PTPRN2: variants seen among roughly 807,000 people sequenced by gnomAD.
PTPRN2 encodes receptor-type tyrosine-protein phosphatase N2.
A neutral mutation model predicts 118.8 loss-of-function variants in PTPRN2; 74 were observed. That is an observed-to-expected ratio of 0.62 (90% confidence interval 0.52 to 0.76). PTPRN2 has a LOEUF of 0.76. PTPRN2 is among the 30% of genes least tolerant of loss of function. The pLI is 0.00. For synonymous variants in PTPRN2, 641 were observed against 608.0 expected (o/e 1.05, Z -0.80); for missense variants, 1,481 against 1,394.4 (o/e 1.06, Z -0.99).
chr7:157,996,230 A>AT (rs1230912319), intron 11 of PTPRN2, among the ~76,000 whole-genome samples: 1 of 152,222 alleles, frequency 6.6e-6, no homozygotes, highest in Non-Finnish European at 1.5e-5. Context: ...GCCAAATTAC[A>AT]TGCGTGCATG....
intron 11 of PTPRN2, among the ~76,000 whole-genome samples, chr7:157,960,981 T>G (rs1801489453): frequency 6.6e-6 from 1 of 152,224 alleles, no homozygotes; most frequent in Admixed American, 6.5e-5. Context: ...CACTCCAGCC[T>G]GGGTGACAGA....
chr7:158,027,656 T>C (rs1182785673), intron 11 of PTPRN2: 2 of 152,292 alleles, frequency 1.3e-5, no homozygotes. Flanking sequence ...TCAATGCTTC[T>C]GGAACCCACA....
chr7:158,172,394 C>T (rs1823778781), intron 5 of PTPRN2, among the ~76,000 whole-genome samples: 1 of 152,126 alleles, frequency 6.6e-6, no homozygotes, highest in Non-Finnish European at 1.5e-5. Flanking sequence ...ATCATTATCA[C>T]CATTAGTGTC....
chr7:157,830,536 C>T (rs949406531), intron 12 of PTPRN2, among the ~76,000 whole-genome samples: 7 of 150,906 alleles, frequency 4.6e-5, no homozygotes, highest in Non-Finnish European at 8.9e-5. Context: ...CTGCTGTGGC[C>T]GGAGGCACAC....
rs185717897 is a variant in PTPRN2, at chr7:158,003,664, G to A, written c.1723+77634C>T. Among the ~76,000 whole-genome samples, 526 of 152,144 alleles carry A rather than the reference G, an allele frequency of 3.5e-3. No individual in the cohort carries two copies. Among genetic ancestry groups the A allele is most frequent in the African/African-American group, 0.011 (475 of 41,514 alleles). On this transcript the variant is annotated intron_variant, in intron 11 of 22. Transcript: ENST00000389418. The surrounding 1 kb of genome is among the most constrained non-coding windows in gnomAD (Gnocchi z 5.0). ...TCTGCCCCACCTGTGGGGCTTCACCGTGGCCACCCGAGCTGACTGACAGGG... is the reference window on the plus strand; with the variant it reads ...TCTGCCCCACCTGTGGGGCTTCACCATGGCCACCCGAGCTGACTGACAGGG...
intron 17 of PTPRN2, among the ~76,000 whole-genome samples, chr7:157,582,550 T>C (rs1800451932): frequency 6.6e-6 from 1 of 151,710 alleles, no homozygotes; most frequent in Non-Finnish European, 1.5e-5. Flanking sequence ...CACTATACGG[T>C]AGCAATGTGA....
chr7:157,756,130 C>A (rs979765528), intron 12 of PTPRN2, among the ~76,000 whole-genome samples: 23 of 152,252 alleles, frequency 1.5e-4, no homozygotes, highest in Admixed American at 3.9e-4. Context: ...AAAGACCAGA[C>A]TTCTTTACAA....
Position 157,540,714 on chromosome 7 carries a change from TC to T in PTPRN2, c.3047del (p.Ter1016=), listed in dbSNP as rs1297712893. 1 of 1,558,598 alleles carries T rather than the reference TC, an allele frequency of 6.4e-7. No individual in the cohort carries two copies. Among genetic ancestry groups the T allele is most frequent in the Admixed American group, 1.9e-5 (1 of 52,378 alleles). On this transcript the variant is annotated frameshift_variant and stop_lost, in exon 23 of 23. Coordinates refer to ENST00000389418, the MANE Select transcript of PTPRN2 (RefSeq NM_002847.5). LOFTEE classifies it high-confidence loss of function. ...VNAILKALPQ[*>X] ...CCCCTGAGGCCCCTGAGGCTGCCGC[TC>T]ACTGGGGAAGGGCCTTGAGGATGGC...
intron 3 of PTPRN2, among the ~76,000 whole-genome samples, chr7:158,245,072 G>A (rs781253628): frequency 2.4e-4 from 37 of 152,188 alleles, no homozygotes; most frequent in Non-Finnish European, 4.1e-4. Context: ...GAGATGAGGC[G>A]TCCAGCCCTG....
chr7:158,018,370 C>T (rs1166503130), intron 11 of PTPRN2, among the ~76,000 whole-genome samples: 1 of 148,720 alleles, frequency 6.7e-6, no homozygotes, highest in African/African-American at 2.4e-5. Context: ...ACAGGCGTAG[C>T]GTGCATGCTC....
chr7:158,365,656 C>G (rs189250980), intron 2 of PTPRN2, among the ~76,000 whole-genome samples: 1 of 142,772 alleles, frequency 7.0e-6, no homozygotes, highest in East Asian at 2.0e-4. Context: ...CCAATGCACA[C>G]GCACACACAC....
rs1177105063 is a variant in PTPRN2 at position 157,603,918 on chromosome 7, C to T, written c.2418+84G>A. On this transcript the variant is annotated intron_variant, in intron 16 of 22. Coordinates refer to ENST00000389418, the MANE Select transcript of PTPRN2 (RefSeq NM_002847.5). The surrounding 1 kb of genome is among the most constrained non-coding windows in gnomAD (Gnocchi z 5.4). ...GCTGAGCTGGGTGGGGACGTGATTTCCCCCGAGAACCTTCCCACGTGATTT... is the reference window on the plus strand; with the variant it reads ...GCTGAGCTGGGTGGGGACGTGATTTTCCCCGAGAACCTTCCCACGTGATTT... 3 of 1,334,462 alleles carry T rather than the reference C, an allele frequency of 2.2e-6. No homozygotes were observed. The highest frequency in any genetic ancestry group is 1.8e-5 in the Admixed American group (1 of 55,902). 82.7% of individuals were successfully genotyped at this position (1,334,462 alleles called of 1,614,324 possible).
At chr7:157,852,742 G>A (rs998164440) in intron 12 of PTPRN2, among the ~76,000 whole-genome samples, 79 of 151,718 alleles carry the variant, frequency 5.2e-4, no homozygotes, top group Middle Eastern at 6.8e-3. Context: ...GGTGGTGGGC[G>A]CCTGTAATCC....
At chr7:157,981,972 A>C (rs535814208) in intron 11 of PTPRN2, among the ~76,000 whole-genome samples, 2 of 151,526 alleles carry the variant, frequency 1.3e-5, no homozygotes, top group African/African-American at 2.4e-5. Context: ...TGCAGAGTGC[A>C]GGGTACCGCC....
At chr7:158,220,887 A>AG in intron 3 of PTPRN2, among the ~76,000 whole-genome samples, 1 of 152,082 alleles carries the variant, frequency 6.6e-6, no homozygotes, top group Admixed American at 6.5e-5. Context: ...GATCCAAAAA[A>AG]AAAAAAAGGC....
chr7:157,623,880 T>C (rs546247151), intron 14 of PTPRN2, among the ~76,000 whole-genome samples: 1 of 152,342 alleles, frequency 6.6e-6, no homozygotes, highest in South Asian at 2.1e-4. Context: ...TCTATCAATA[T>C]TTTTTATGAA....
intron 12 of PTPRN2, among the ~76,000 whole-genome samples, chr7:157,885,513 C>G (rs1410030041): frequency 6.6e-6 from 1 of 152,210 alleles, no homozygotes; most frequent in Non-Finnish European, 1.5e-5. Context: ...TGGAAACAAG[C>G]CAAGTTCCTC....
chr7:158,553,474 A>C (rs1250420660), intron 1 of PTPRN2, among the ~76,000 whole-genome samples: 1 of 151,746 alleles, frequency 6.6e-6, no homozygotes, highest in Non-Finnish European at 1.5e-5. Flanking sequence ...TTGGGAGTCT[A>C]CACCACCTTT....
intron 1 of PTPRN2, among the ~76,000 whole-genome samples, chr7:158,524,635 G>A (rs1824633551): frequency 6.6e-6 from 1 of 152,140 alleles, no homozygotes; most frequent in Non-Finnish European, 1.5e-5. Flanking sequence ...ACTCGTAGAT[G>A]GATGTCCCCA....
Sources: gnomAD v4.1 joint callset for allele counts (sites outside exome capture counted in the v4.1 genomes callset) on GRCh38, gnomAD v4.1.1 for gene constraint, Gnocchi (gnomAD v3.1) non-coding constraint, MANE v1.5 for transcripts, NCBI Gene and HGNC (gene_info 2026-07-23, HGNC 2026-07-21) for gene names.